Variants in DHX8 observed in about 807,000 individuals in gnomAD.
DHX8 encodes the protein ATP-dependent RNA helicase DHX8.
Under a neutral mutation model 140.7 loss-of-function variants are expected in DHX8, and 67 were observed. The observed-to-expected ratio is 0.48, with a 90% CI of 0.39 to 0.58. The LOEUF is 0.58. Ranked by LOEUF, DHX8 falls within the 20% of genes least tolerant of loss-of-function variation. DHX8 has a pLI of 0.00. For missense variants in DHX8, 887 were observed against 1,550.7 expected (o/e 0.57, Z 7.19); for synonymous variants, 533 against 553.2 (o/e 0.96, Z 0.51).
chr17:43,510,458 T>C lies in DHX8; in HGVS notation c.2502+1938T>C, dbSNP rs557242371. On this transcript the variant is annotated intron_variant, in intron 16 of 22. Transcript: ENST00000262415. ...AATCCAAGTATGCTCAAGTCTCTTA[T>C]GTAAAATGCCATAGTATTTGCATGT... Among the ~76,000 whole-genome samples the C allele has an allele frequency of 1.3e-4, 20 of 152,378 alleles. No individual in the cohort carries two copies. The South Asian group carries it at 3.7e-3, about 28-fold the overall frequency.
At chr17:43,536,613 G>T (rs1598207513) in intron 3 of DHX8, 1 of 690,982 alleles carries the variant, frequency 1.4e-6, no homozygotes, top group East Asian at 2.5e-5. Context: ...TGTCCACATT[G>T]TAAGAATTGT....
chr17:43,516,242 C>A (rs891574178), intron 17 of DHX8, among the ~76,000 whole-genome samples: 1 of 151,990 alleles, frequency 6.6e-6, no homozygotes. Context: ...AGAAAATAGA[C>A]CTCATCTGCA....
downstream of DHX8, chr17:43,530,547 T>A (rs1349351940): frequency 9.9e-6 from 7 of 706,558 alleles, no homozygotes; most frequent in East Asian, 4.5e-5. Context: ...CGCCTAAGAC[T>A]CCCTCAGAAT....
chr17:43,498,782 C>T (rs1969020393), intron 9 of DHX8, 80 bp from the exon 10 acceptor site: 2 of 1,149,298 alleles, frequency 1.7e-6, no homozygotes, highest in Admixed American at 4.6e-5. Context: ...ATTGTTGGTA[C>T]CTATGGAAAT....
At chr17:43,493,124 C>T in intron 6 of DHX8, 84 bp downstream of exon 6, 1 of 1,523,296 alleles carries the variant, frequency 6.6e-7, no homozygotes, top group Non-Finnish European at 8.8e-7. Context: ...TAAAAAGTTA[C>T]TTTGATTAAT....
chr17:43,499,970 C>G lies in DHX8; in HGVS notation c.1413C>G (p.Ser471=). 12 of 1,614,006 alleles carry G rather than the reference C, an allele frequency of 7.4e-6. No homozygotes were observed. Among genetic ancestry groups the G allele is most frequent in the Non-Finnish European group, 1.0e-5 (12 of 1,179,960 alleles). ...PIKIVKNPDG[S]LSQAAMMQSA... is the part of the protein sequence containing the mutation. Reference sequence around the variant, plus strand: ...TGTTGCACCAGAACCCAGACGGCTCCCTCTCCCAAGCAGCAATGATGCAGA... The same window carrying G: ...TGTTGCACCAGAACCCAGACGGCTCGCTCTCCCAAGCAGCAATGATGCAGA... Residue 471 remains serine, a synonymous_variant, in exon 11 of 23, where the codon TCC becomes TCG. Coordinates refer to ENST00000262415, the MANE Select transcript of DHX8 (RefSeq NM_004941.3).
intron 13 of DHX8, 117 bp from the exon 14 acceptor site, chr17:43,507,386 T>C (rs1969554069): frequency 8.8e-7 from 1 of 1,136,462 alleles, no homozygotes; most frequent in South Asian, 1.5e-5. Context: ...GAAATTACTG[T>C]ACATCTTGAT....
At chr17:43,528,450 C>T, downstream of DHX8, 1 of 1,107,360 alleles carries the variant, frequency 9.0e-7, no homozygotes, top group Non-Finnish European at 1.3e-6. Flanking sequence ...AAGGTTTCCC[C>T]AACACCAGAT....
chr17:43,484,888 T>C (rs1239561364), intron 1 of DHX8, among the ~76,000 whole-genome samples: 2 of 152,156 alleles, frequency 1.3e-5, no homozygotes, highest in African/African-American at 4.8e-5. Flanking sequence ...AGCAGTCCTC[T>C]TCCCTCGGCC....
chr17:43,486,835 C>G (rs1968183049), intron 1 of DHX8, among the ~76,000 whole-genome samples: 1 of 148,168 alleles, frequency 6.7e-6, no homozygotes, highest in Non-Finnish European at 1.5e-5. Flanking sequence ...AGGATCGTGC[C>G]ACTGCCCTCC....
chr17:43,492,204 G>A lies in DHX8; in HGVS notation c.415G>A (p.Val139Met). Residue 139 changes from valine (V) to methionine (M), a missense_variant, in exon 5 of 23, where the codon GTG becomes ATG. Coordinates refer to ENST00000262415, the MANE Select transcript of DHX8 (RefSeq NM_004941.3). ...GCAGACCATGTTGGATGAAGATGAT[G>A]TGAAAGTTGCTGTGGATGTCCTGAA... ...SVRTMLDEDDVKVAVDVLKEL... is the reference protein window; with the variant it reads ...SVRTMLDEDDMKVAVDVLKEL... 1 of 1,614,102 alleles carries A rather than the reference G, an allele frequency of 6.2e-7. No homozygotes were observed. The highest frequency in any genetic ancestry group is 8.5e-7 in the Non-Finnish European group (1 of 1,179,980).
intron 12 of DHX8, 57 bp downstream of exon 12, chr17:43,504,882 G>A: frequency 6.7e-7 from 1 of 1,491,428 alleles, no homozygotes; most frequent in Non-Finnish European, 9.1e-7. Flanking sequence ...TAAAAGAGGG[G>A]TGATATTTTT....
chr17:43,495,671 T>C (rs762987986), intron 8 of DHX8, among the ~76,000 whole-genome samples: 6 of 152,132 alleles, frequency 3.9e-5, no homozygotes, highest in Admixed American at 6.6e-5. Flanking sequence ...GCTTATACTT[T>C]ACAGCACCAT....
chr17:43,522,083 A>T lies in DHX8; in HGVS notation c.3300A>T (p.Thr1100=), dbSNP rs997353815. ...KLDVVSCGKS[T]VRVQKAICSG... ...ATGTTGTTTCCTGTGGCAAGTCCACAGTCCGAGTGCAGAAGGCCATCTGCA... is the reference window on the plus strand; with the variant it reads ...ATGTTGTTTCCTGTGGCAAGTCCACTGTCCGAGTGCAGAAGGCCATCTGCA... Residue 1100 remains threonine (T), a synonymous_variant, in exon 22 of 23, where the codon ACA becomes ACT. Transcript: ENST00000262415. The T allele has an allele frequency of 1.2e-6, 2 of 1,614,024 alleles. No individual in the cohort carries two copies. Among genetic ancestry groups the T allele is most frequent in the Non-Finnish European group, 1.7e-6 (2 of 1,180,014 alleles).
chr17:43,496,101 A>G, intron 8 of DHX8, 80 bp from the exon 9 acceptor site: 1 of 1,144,198 alleles, frequency 8.7e-7, no homozygotes, highest in Non-Finnish European at 1.3e-6. Context: ...CTGTCTCAAA[A>G]AAACAAAACA....
At chr17:43,543,160 G>C (rs1971608069) in intron 3 of DHX8, among the ~76,000 whole-genome samples, 1 of 151,842 alleles carries the variant, frequency 6.6e-6, no homozygotes, top group Non-Finnish European at 1.5e-5. Flanking sequence ...GAAGGAGAGG[G>C]AACCAAGGAG....
intron 16 of DHX8, 114 bp from the exon 17 acceptor site, chr17:43,513,248 G>C: frequency 8.6e-7 from 1 of 1,165,530 alleles, no homozygotes; most frequent in South Asian, 1.7e-5. Flanking sequence ...TAACCGTCTA[G>C]AGAGAGAGAT....
intron 17 of DHX8, among the ~76,000 whole-genome samples, chr17:43,514,603 G>A (rs1201883744): frequency 1.3e-5 from 2 of 152,236 alleles, no homozygotes; most frequent in Non-Finnish European, 2.9e-5. Context: ...TTTGGCAACA[G>A]TATATCCAAA....
intron 16 of DHX8, among the ~76,000 whole-genome samples, chr17:43,511,877 C>T (rs1969861602): frequency 6.7e-6 from 1 of 148,484 alleles, no homozygotes; most frequent in African/African-American, 2.5e-5. Context: ...AAAAAATCAG[C>T]CAGGCGTGGT....
Sources: allele counts gnomAD v4.1 joint callset (sites outside exome capture counted in the v4.1 genomes callset), GRCh38; gene constraint gnomAD v4.1.1; transcripts MANE v1.5; gene names NCBI Gene and HGNC (gene_info 2026-07-23, HGNC 2026-07-21).